The following GNB1 variants were observed in gnomAD, a reference collection of about 807,000 sequenced individuals.
The protein encoded by GNB1 is guanine nucleotide-binding protein G(I)/G(S)/G(T) subunit beta-1.
Under a neutral mutation model 42.9 loss-of-function variants are expected in GNB1, and 2 were observed. The observed-to-expected ratio is 0.05, with a 90% CI of 0.02 to 0.15. GNB1 has a LOEUF of 0.15. Ranked by LOEUF, GNB1 falls within the 10% of genes least tolerant of loss-of-function variation. GNB1 has a pLI of 1.00. For synonymous variants in GNB1, 183 were observed against 174.7 expected, an observed-to-expected ratio of 1.05 and a Z score of -0.38; for missense variants, 193 against 462.2, an observed-to-expected ratio of 0.42 and a Z score of 5.34.
At chr1:1,821,781 T>C (rs1405378524) in intron 3 of GNB1, among the ~76,000 whole-genome samples, 1 of 152,152 alleles carries the variant, frequency 6.6e-6, no homozygotes, top group Non-Finnish European at 1.5e-5. Context: ...GTGTCAAATA[T>C]CTCAATTAAA....
chr1:1,823,885 G>C (rs1422395001), intron 3 of GNB1, among the ~76,000 whole-genome samples: 1 of 152,078 alleles, frequency 6.6e-6, no homozygotes, highest in Non-Finnish European at 1.5e-5. Context: ...ACTGTATTTT[G>C]AGAAGGTGTC....
At chr1:1,876,538 C>T (rs978846304) in intron 1 of GNB1, among the ~76,000 whole-genome samples, 3 of 151,400 alleles carry the variant, frequency 2.0e-5, no homozygotes, top group Admixed American at 6.6e-5. Context: ...GCCACGTGCA[C>T]GAGCCAGTGA....
intron 1 of GNB1, among the ~76,000 whole-genome samples, chr1:1,874,481 C>G (rs577400667): frequency 6.9e-4 from 104 of 151,808 alleles, no homozygotes; most frequent in African/African-American, 2.4e-3. Context: ...GCGGTGTGCA[C>G]CTGTAGTCCC....
At chr1:1,848,221 T>TA (rs372842583) in intron 1 of GNB1, among the ~76,000 whole-genome samples, 5 of 150,300 alleles carry the variant, frequency 3.3e-5, no homozygotes, top group African/African-American at 1.2e-4. Flanking sequence ...CTACTAAAAA[T>TA]AAAAAAAATT....
intron 7 of GNB1, chr1:1,793,822 A>G (rs7545812): frequency 0.97 from 149,195 of 153,696 alleles, 72,449 homozygotes; most frequent in East Asian, 1. Flanking sequence ...CACAAGATGG[A>G]AGCCAGGAGA....
rs118094408 is a variant in GNB1 at position 1,875,651 on chromosome 1, G to A, written c.-96+15169C>T. On this transcript the variant is annotated intron_variant, in intron 1 of 11. Coordinates refer to ENST00000378609, the MANE Select transcript of GNB1 (RefSeq NM_002074.5). Reference sequence around the variant, plus strand: ...GGCCTCCCAAAGTGCTGAGCTTACAGGAGTGAGCCACTGCATCCGGCCCCT... The same window carrying A: ...GGCCTCCCAAAGTGCTGAGCTTACAAGAGTGAGCCACTGCATCCGGCCCCT... Among the ~76,000 whole-genome samples the A allele has an allele frequency of 2.7e-3, 408 of 152,312 alleles. 6 individuals are homozygous for A. The East Asian group carries it at 0.043, about 16-fold the overall frequency.
intron 1 of GNB1, among the ~76,000 whole-genome samples, chr1:1,860,951 T>C (rs1648590930): frequency 6.6e-6 from 1 of 150,416 alleles, no homozygotes; most frequent in African/African-American, 2.5e-5. Flanking sequence ...CTACTAAAAA[T>C]ACAAAAATTA....
At chr1:1,874,531 T>C (rs1246239551) in intron 1 of GNB1, among the ~76,000 whole-genome samples, 2 of 144,750 alleles carry the variant, frequency 1.4e-5, no homozygotes, top group African/African-American at 2.6e-5. Flanking sequence ...TGCTTGAACC[T>C]TGGAGGCAGA....
chr1:1,795,829 T>C (rs1646539453), intron 7 of GNB1, among the ~76,000 whole-genome samples: 1 of 152,166 alleles, frequency 6.6e-6, no homozygotes, highest in Non-Finnish European at 1.5e-5. Context: ...GTAGTGAAGC[T>C]ACACAGAATC....
chr1:1,803,897 G>A (rs1156583505), intron 7 of GNB1, among the ~76,000 whole-genome samples: 2 of 146,864 alleles, frequency 1.4e-5, no homozygotes, highest in East Asian at 2.0e-4. Flanking sequence ...CAGGAGAATC[G>A]CTTGAACCCA....
intron 5 of GNB1, among the ~76,000 whole-genome samples, chr1:1,811,036 G>A (rs1463716004): frequency 6.6e-6 from 1 of 150,624 alleles, no homozygotes; most frequent in East Asian, 2.0e-4. Context: ...ACCCAGGCGG[G>A]AGTGCAATGC....
rs897635594 is a variant in GNB1, at chr1:1,816,443, C to A, written c.97-581G>T. Among the ~76,000 whole-genome samples the A allele has an allele frequency of 5.9e-5, 9 of 152,082 alleles. No individual in the cohort carries two copies. The South Asian group carries it at 1.2e-3, about 21-fold the overall frequency. Reference sequence around the variant, plus strand: ...ATAGTGGGTTTTAAAAACGGACAGTCCAAAGTGCTTCTCAGAATTGAAATT... The same window carrying A: ...ATAGTGGGTTTTAAAAACGGACAGTACAAAGTGCTTCTCAGAATTGAAATT... On this transcript the variant is annotated intron_variant, in intron 4 of 11. Transcript: ENST00000378609.
intron 2 of GNB1, among the ~76,000 whole-genome samples, chr1:1,829,642 C>T (rs532314188): frequency 2.0e-5 from 3 of 152,244 alleles, no homozygotes; most frequent in African/African-American, 4.8e-5. Flanking sequence ...TCATCTTTAC[C>T]GTGAAGACAG....
rs1274317365 is a variant in GNB1 at position 1,789,096 on chromosome 1, G to A, written c.873C>T (p.Asp291=). ...GTGCATCCCAGACGTTGCAGTTGAA[G>A]TCGTCGTACCCAGCAAGGAGGAGGC... ...SGRLLLAGYD[D]FNCNVWDALK... The change falls in exon 10 of 12, where the codon GAC becomes GAT. Residue 291 remains aspartate, a synonymous_variant. Coordinates refer to ENST00000378609, the MANE Select transcript of GNB1 (RefSeq NM_002074.5). The A allele has an allele frequency of 4.3e-6, 7 of 1,614,074 alleles. No individual in the cohort carries two copies. The highest frequency in any genetic ancestry group is 5.1e-6 in the Non-Finnish European group (6 of 1,180,030).
chr1:1,842,151 C>T (rs896643647), intron 1 of GNB1, among the ~76,000 whole-genome samples: 4 of 152,196 alleles, frequency 2.6e-5, no homozygotes, highest in Non-Finnish European at 5.9e-5. Context: ...ACAAAAATTG[C>T]CAGGCACGGT....
chr1:1,881,804 T>C (rs1557952394), intron 1 of GNB1, among the ~76,000 whole-genome samples: 1 of 152,206 alleles, frequency 6.6e-6, no homozygotes, highest in Non-Finnish European at 1.5e-5. Flanking sequence ...TGTGCTCTTA[T>C]GCGCTTGATA....
chr1:1,885,335 C>A (rs1488771395), intron 1 of GNB1, among the ~76,000 whole-genome samples: 1 of 150,752 alleles, frequency 6.6e-6, no homozygotes, highest in Non-Finnish European at 1.5e-5. Context: ...ATCACTTGAA[C>A]CCGGGAGGCA....
intron 5 of GNB1, among the ~76,000 whole-genome samples, chr1:1,812,690 T>A (rs955534717): frequency 2.0e-5 from 3 of 152,194 alleles, no homozygotes; most frequent in Non-Finnish European, 4.4e-5. Context: ...AGGGTGGCCA[T>A]GATTCTGCAC....
chr1:1,888,423 T>A (rs1296637706), intron 1 of GNB1, among the ~76,000 whole-genome samples: 10 of 150,140 alleles, frequency 6.7e-5, no homozygotes, highest in Non-Finnish European at 1.3e-4. Context: ...TGAAACCAAA[T>A]GCTCGTAACC....
Sources: gnomAD v4.1 joint callset for allele counts (sites outside exome capture counted in the v4.1 genomes callset) on GRCh38, gnomAD v4.1.1 for gene constraint, MANE v1.5 for transcripts, NCBI Gene and HGNC (gene_info 2026-07-23, HGNC 2026-07-21) for gene names.